The following FNDC3B variants were observed in gnomAD, a reference collection of about 807,000 sequenced individuals.
FNDC3B encodes the protein fibronectin type III domain-containing protein 3B.
FNDC3B carries 12 observed loss-of-function variants against 151.5 expected under a neutral mutation model. That is an observed-to-expected ratio of 0.08 (90% CI 0.05 to 0.13). The LOEUF (loss-of-function observed/expected upper bound fraction) is 0.13, where lower values mean the gene tolerates loss of function less well. Ranked by LOEUF, FNDC3B falls within the 10% of genes least tolerant of loss-of-function variation. FNDC3B has a pLI of 1.00. For missense variants in FNDC3B, 1,214 were observed against 1,505.3 expected, an observed-to-expected ratio of 0.81 and a Z score of 3.20; for synonymous variants, 528 against 549.0, an observed-to-expected ratio of 0.96 and a Z score of 0.54.
chr3:172,172,484 C>T (rs966815402), intron 3 of FNDC3B, among the ~76,000 whole-genome samples: 1 of 152,062 alleles, frequency 6.6e-6, no homozygotes, highest in Non-Finnish European at 1.5e-5. Flanking sequence ...ATTCAAAGAT[C>T]CTTTTTTGTT....
intron 11 of FNDC3B, 47 bp downstream of exon 11, chr3:172,310,928 C>A: frequency 7.7e-7 from 1 of 1,292,572 alleles, no homozygotes; most frequent in Non-Finnish European, 1.1e-6. Context: ...ATTTCAAAAA[C>A]AAAATTAACT....
chr3:172,043,515 T>TTTA (rs1015818019), intron 1 of FNDC3B, among the ~76,000 whole-genome samples: 12 of 152,094 alleles, frequency 7.9e-5, no homozygotes, highest in Admixed American at 5.2e-4. Context: ...TGCCAGGCTA[T>TTTA]TTATTATTAT....
chr3:172,349,454 AC>A (rs1288535116), intron 21 of FNDC3B, among the ~76,000 whole-genome samples: 1 of 152,188 alleles, frequency 6.6e-6, no homozygotes. Context: ...ACTATTATTT[AC>A]AAAAAGTTGA....
chr3:172,380,921 T>C (rs768840564), intron 24 of FNDC3B, 45 bp from the exon 25 acceptor site: 1 of 1,604,844 alleles, frequency 6.2e-7, no homozygotes, highest in Non-Finnish European at 8.5e-7. Flanking sequence ...ACTATTAACA[T>C]GATACTTTGA....
intron 25 of FNDC3B, among the ~76,000 whole-genome samples, chr3:172,392,120 A>G (rs945150044): frequency 5.9e-5 from 9 of 152,186 alleles, no homozygotes; most frequent in Non-Finnish European, 1.3e-4. Flanking sequence ...CACCATAACA[A>G]TGGGCTCATC....
At chr3:172,392,833 G>C (rs1348876348) in intron 25 of FNDC3B, among the ~76,000 whole-genome samples, 1 of 100,980 alleles carries the variant, frequency 9.9e-6, no homozygotes, top group Non-Finnish European at 1.9e-5. Flanking sequence ...CAGACAGAGA[G>C]TATTGCTCTG....
chr3:172,347,899 A>T lies in FNDC3B; in HGVS notation c.2514+538A>T, dbSNP rs150232529. Among the ~76,000 whole-genome samples the T allele has an allele frequency of 8.9e-3, 1,357 of 152,336 alleles. 24 individuals are homozygous for T. The highest frequency in any genetic ancestry group is 0.031 in the African/African-American group (1,280 of 41,566). Reference sequence around the variant, plus strand: ...CACTTGGGAGTCCAGATAGAATAACATCAAGAAAAATTGGTTCATAGCCTA... The same window carrying T: ...CACTTGGGAGTCCAGATAGAATAACTTCAAGAAAAATTGGTTCATAGCCTA... On this transcript the variant is annotated intron_variant, in intron 21 of 25. Transcript: ENST00000415807.
At chr3:172,191,476 G>T (rs1724503447) in intron 3 of FNDC3B, among the ~76,000 whole-genome samples, 1 of 152,050 alleles carries the variant, frequency 6.6e-6, no homozygotes, top group Non-Finnish European at 1.5e-5. Context: ...TTCTTTGAGT[G>T]GGGGATCTAG....
At chr3:172,367,978 G>A (rs1318269596) in intron 23 of FNDC3B, among the ~76,000 whole-genome samples, 1 of 152,172 alleles carries the variant, frequency 6.6e-6, no homozygotes, top group Admixed American at 6.5e-5. Flanking sequence ...ATGTTTACAG[G>A]GAGCCTGCCT....
Position 172,348,056 on chromosome 3 carries a change from G to T in FNDC3B, c.2514+695G>T, listed in dbSNP as rs138889990. The stretch of plus-strand genomic sequence containing the variant: ...TTGTCCTCCTCTTTCCATTTGTTCA[G>T]TAACATTTCTTGAGCATTATAGTAC... On this transcript the variant is annotated intron_variant, in intron 21 of 25. Transcript: ENST00000415807. Among the ~76,000 whole-genome samples, 562 of 152,296 alleles carry T rather than the reference G, an allele frequency of 3.7e-3. 6 individuals carry two copies. Among genetic ancestry groups the T allele is most frequent in the African/African-American group, 0.013 (533 of 41,556 alleles).
intron 11 of FNDC3B, among the ~76,000 whole-genome samples, chr3:172,318,102 C>G (rs1223978620): frequency 6.6e-6 from 1 of 152,184 alleles, no homozygotes; most frequent in African/African-American, 2.4e-5. Flanking sequence ...TCAGCTAGCC[C>G]AAAAGGAAGT....
chr3:172,079,027 C>T (rs985380634), intron 1 of FNDC3B, among the ~76,000 whole-genome samples: 19 of 152,130 alleles, frequency 1.2e-4, no homozygotes, highest in African/African-American at 4.1e-4. Context: ...ATTTAACTCA[C>T]GCCCTATAGA....
chr3:172,275,761 A>G (rs1406175751), intron 6 of FNDC3B, among the ~76,000 whole-genome samples: 8 of 152,242 alleles, frequency 5.3e-5, no homozygotes, highest in African/African-American at 1.9e-4. Flanking sequence ...CAGTGCATTT[A>G]GAAGACAGTG....
intron 1 of FNDC3B, among the ~76,000 whole-genome samples, chr3:172,055,788 T>C (rs1716882841): frequency 7.1e-6 from 1 of 140,012 alleles, no homozygotes; most frequent in Non-Finnish European, 1.5e-5. Flanking sequence ...TGTTTCTTTC[T>C]TTTTTTTTTT....
intron 3 of FNDC3B, among the ~76,000 whole-genome samples, chr3:172,153,976 T>G (rs1273607015): frequency 3.4e-5 from 5 of 147,428 alleles, no homozygotes; most frequent in Non-Finnish European, 7.4e-5. Flanking sequence ...AGAAAAGGAC[T>G]CTGAGAAACT....
At chr3:172,331,365 G>A (rs548342903) in intron 13 of FNDC3B, among the ~76,000 whole-genome samples, 1 of 152,006 alleles carries the variant, frequency 6.6e-6, no homozygotes, top group East Asian at 1.9e-4. Flanking sequence ...TTTTTGTTTT[G>A]TTTTGTTTTT....
chr3:172,127,353 T>C (rs1334838075), intron 2 of FNDC3B, among the ~76,000 whole-genome samples: 4 of 152,206 alleles, frequency 2.6e-5, no homozygotes, highest in African/African-American at 9.7e-5. Context: ...CCACGCCTAG[T>C]AGAGGGGAGA....
chr3:172,333,946 A>G (rs973975706), intron 14 of FNDC3B, among the ~76,000 whole-genome samples: 4 of 151,482 alleles, frequency 2.6e-5, no homozygotes, highest in Admixed American at 6.6e-5. Flanking sequence ...TAATGTTACT[A>G]TAGGACTATG....
intron 2 of FNDC3B, among the ~76,000 whole-genome samples, chr3:172,123,026 T>G (rs1458715609): frequency 6.6e-6 from 1 of 152,206 alleles, no homozygotes; most frequent in African/African-American, 2.4e-5. Context: ...ACATGACTTT[T>G]AGTTTTCAGG....
Sources: allele counts gnomAD v4.1 joint callset (sites outside exome capture counted in the v4.1 genomes callset), GRCh38; gene constraint gnomAD v4.1.1; transcripts MANE v1.5; gene names NCBI Gene and HGNC (gene_info 2026-07-23, HGNC 2026-07-21).